The following KCNJ6 variants were observed in gnomAD, a reference collection of about 807,000 sequenced individuals.
KCNJ6 encodes the protein potassium inwardly rectifying channel subfamily J member 6, also known as G protein-activated inward rectifier potassium channel 2.
Under a neutral mutation model 34.2 loss-of-function variants are expected in KCNJ6, and 9 were observed. The ratio of observed to expected loss-of-function variants is 0.26; its 90% CI spans 0.16 to 0.46. KCNJ6 has a LOEUF of 0.46. Among genes scored for constraint, KCNJ6 ranks in the 20% least tolerant of loss-of-function variants. The pLI is 1.00. For synonymous variants in KCNJ6, 196 were observed against 207.1 expected (o/e 0.95, Z 0.46); for missense variants, 236 against 531.3 (o/e 0.44, Z 5.46).
intron 2 of KCNJ6, among the ~76,000 whole-genome samples, chr21:37,802,790 T>G (rs80175197): frequency 0.017 from 2,591 of 152,310 alleles, 74 homozygotes; most frequent in African/African-American, 0.056. Context: ...ATTTAAATCA[T>G]TTTAAGGGTC....
intron 1 of KCNJ6, among the ~76,000 whole-genome samples, chr21:37,881,619 G>A (rs1423753558): frequency 6.6e-6 from 1 of 152,096 alleles, no homozygotes; most frequent in Non-Finnish European, 1.5e-5. Flanking sequence ...GGGCACAAGG[G>A]AGCCTCCCAT....
intron 1 of KCNJ6, among the ~76,000 whole-genome samples, chr21:37,864,658 G>A (rs1045740494): frequency 1.3e-5 from 2 of 152,162 alleles, no homozygotes; most frequent in East Asian, 3.9e-4. Context: ...GTAGGGCCAC[G>A]TGTTTGCATT....
At chr21:37,796,784 T>TC (rs1555845195) in intron 2 of KCNJ6, among the ~76,000 whole-genome samples, 1 of 124,186 alleles carries the variant, frequency 8.1e-6, no homozygotes, top group African/African-American at 3.1e-5. Flanking sequence ...TCTTTCTTTT[T>TC]TTTTTTTTTT....
At chr21:37,752,635 C>T (rs1274684787) in intron 2 of KCNJ6, among the ~76,000 whole-genome samples, 1 of 152,132 alleles carries the variant, frequency 6.6e-6, no homozygotes, top group Non-Finnish European at 1.5e-5. Context: ...TGTGACCGTG[C>T]TCATAAATCC....
intron 2 of KCNJ6, among the ~76,000 whole-genome samples, chr21:37,732,811 G>C (rs949779555): frequency 6.6e-6 from 1 of 152,118 alleles, no homozygotes; most frequent in African/African-American, 2.4e-5. Context: ...ACAGAAACTG[G>C]GTTTTGAAGG....
At chr21:37,669,576 GTT>G (rs1491477615) in intron 3 of KCNJ6, among the ~76,000 whole-genome samples, 3 of 90,798 alleles carry the variant, frequency 3.3e-5, no homozygotes, top group African/African-American at 5.9e-5. Flanking sequence ...GTCTGTGTGT[GTT>G]GTGTGTGTGT....
intron 2 of KCNJ6, among the ~76,000 whole-genome samples, chr21:37,741,115 C>T (rs989110615): frequency 6.6e-6 from 1 of 152,240 alleles, no homozygotes; most frequent in Non-Finnish European, 1.5e-5. Context: ...TTCTTTCCCT[C>T]AATTTCTTTG....
At position 37,840,675 on chromosome 21, in the gene KCNJ6, T is replaced by A. The variant is rs748430470; in HGVS notation, c.8A>T (p.Lys3Met). Residue 3 changes from lysine to methionine, a missense_variant, in exon 2 of 4, where the codon AAG becomes ATG. By Grantham distance (95) the Lys-to-Met change is moderately conservative. Transcript: ENST00000609713. ...CTACTCACTCATGGATTCTGTCAGCTTGGCCATTGTTGCAGTTTCTTCTTT... is the reference window on the plus strand; with the variant it reads ...CTACTCACTCATGGATTCTGTCAGCATGGCCATTGTTGCAGTTTCTTCTTT... MA[K>M]LTESMTNVLE... The A allele has an allele frequency of 6.2e-6, 10 of 1,602,858 alleles. No homozygotes were observed. Among genetic ancestry groups the A allele is most frequent in the Non-Finnish European group, 7.7e-6 (9 of 1,171,698 alleles).
At chr21:37,755,501 G>A (rs144786843) in intron 2 of KCNJ6, among the ~76,000 whole-genome samples, 4 of 152,308 alleles carry the variant, frequency 2.6e-5, no homozygotes, top group Non-Finnish European at 4.4e-5. Context: ...AAAAAGAAAG[G>A]CAGGAGAGAA....
At chr21:37,713,740 A>G (rs1468847374) in intron 3 of KCNJ6, among the ~76,000 whole-genome samples, 1 of 152,222 alleles carries the variant, frequency 6.6e-6, no homozygotes, top group Non-Finnish European at 1.5e-5. Context: ...TACAAAAGAA[A>G]AACCAATGCT....
chr21:37,815,913 C>T lies in KCNJ6; in HGVS notation c.25+24745G>A, dbSNP rs75399534. On this transcript the variant is annotated intron_variant, in intron 2 of 3. Coordinates refer to ENST00000609713, the MANE Select transcript of KCNJ6 (RefSeq NM_002240.5). Reference sequence around the variant, plus strand: ...GCGCATGACACGGCAGGCAGTGACGCGACTGCAACAAGCGCTAAGAGTGCA... The same window carrying T: ...GCGCATGACACGGCAGGCAGTGACGTGACTGCAACAAGCGCTAAGAGTGCA... Among the ~76,000 whole-genome samples the T allele has an allele frequency of 8.1e-3, 1,227 of 152,262 alleles. 11 individuals are homozygous for T. The highest frequency in any genetic ancestry group is 0.023 in the African/African-American group (963 of 41,534).
At chr21:37,864,622 G>A (rs941898299) in intron 1 of KCNJ6, among the ~76,000 whole-genome samples, 3 of 152,196 alleles carry the variant, frequency 2.0e-5, no homozygotes, top group Middle Eastern at 3.2e-3. Flanking sequence ...AGGGGTTTCA[G>A]AGGTGGAGGG....
chr21:37,711,797 A>AT (rs1556022869), intron 3 of KCNJ6, among the ~76,000 whole-genome samples: 4 of 142,720 alleles, frequency 2.8e-5, no homozygotes, highest in East Asian at 4.4e-4. Flanking sequence ...ACTTTCTAGA[A>AT]CCCCCCCCCC....
At chr21:37,738,101 T>A (rs138566264) in intron 2 of KCNJ6, among the ~76,000 whole-genome samples, 291 of 152,294 alleles carry the variant, frequency 1.9e-3, no homozygotes, top group African/African-American at 6.6e-3. Flanking sequence ...TTTTGAGCAC[T>A]TTTGAGTCTC....
intron 2 of KCNJ6, among the ~76,000 whole-genome samples, chr21:37,789,729 A>G (rs920063543): frequency 5.9e-5 from 9 of 152,196 alleles, no homozygotes; most frequent in African/African-American, 2.2e-4. Context: ...CATTGCATGG[A>G]AAGCATACTC....
chr21:37,759,579 C>T (rs1009338971), intron 2 of KCNJ6, among the ~76,000 whole-genome samples: 5 of 152,178 alleles, frequency 3.3e-5, no homozygotes, highest in African/African-American at 4.8e-5. Flanking sequence ...ACTGGCTTCC[C>T]ATTGTCCCCT....
chr21:37,741,587 G>C (rs1338294511), intron 2 of KCNJ6, among the ~76,000 whole-genome samples: 2 of 152,140 alleles, frequency 1.3e-5, no homozygotes, highest in Admixed American at 1.3e-4. Context: ...CCTTCTTGGT[G>C]ACTAGCCTTG....
At chr21:37,633,990 G>C (rs1317458234) in intron 3 of KCNJ6, among the ~76,000 whole-genome samples, 1 of 152,014 alleles carries the variant, frequency 6.6e-6, no homozygotes, top group Non-Finnish European at 1.5e-5. Flanking sequence ...AGACTCAAAA[G>C]TCAAAACACT....
At chr21:37,632,208 A>G (rs893985271) in intron 3 of KCNJ6, among the ~76,000 whole-genome samples, 2 of 143,222 alleles carry the variant, frequency 1.4e-5, no homozygotes, top group South Asian at 4.4e-4. Context: ...TGAGCTTTGC[A>G]TGCACAGGAC....
Sources: allele counts gnomAD v4.1 joint callset (sites outside exome capture counted in the v4.1 genomes callset), GRCh38; gene constraint gnomAD v4.1.1; transcripts MANE v1.5; gene names NCBI Gene and HGNC (gene_info 2026-07-23, HGNC 2026-07-21).